AKAP6: variants seen among roughly 807,000 people sequenced by gnomAD.
AKAP6 encodes A-kinase anchor protein 6.
AKAP6 carries 58 observed loss-of-function variants against 188.5 expected under a neutral mutation model. That is an observed-to-expected ratio of 0.31 (90% CI 0.25 to 0.38). The LOEUF is 0.38. Ranked by LOEUF, AKAP6 falls within the 10% of genes least tolerant of loss-of-function variation. AKAP6 has a pLI of 1.00. For missense variants in AKAP6, 2,710 were observed against 2,740.0 expected (o/e 0.99, Z 0.24); for synonymous variants, 989 against 998.6 (o/e 0.99, Z 0.18).
chr14:32,397,895 G>A (rs377686238), intron 1 of AKAP6, among the ~76,000 whole-genome samples: 1 of 152,128 alleles, frequency 6.6e-6, no homozygotes, highest in South Asian at 2.1e-4. Flanking sequence ...TGAAGGCTTT[G>A]GCTTTTGCTC....
At chr14:32,538,594 A>G (rs1431353172) in intron 3 of AKAP6, among the ~76,000 whole-genome samples, 3 of 152,176 alleles carry the variant, frequency 2.0e-5, no homozygotes, top group Non-Finnish European at 1.5e-5. Context: ...AAATAAAACT[A>G]GTCAATAACT....
At chr14:32,366,912 A>C (rs1474023760) in intron 1 of AKAP6, among the ~76,000 whole-genome samples, 1 of 152,178 alleles carries the variant, frequency 6.6e-6, no homozygotes, top group Non-Finnish European at 1.5e-5. Context: ...GGGGGGAAAT[A>C]AGTTCCAGGT....
At chr14:32,729,054 A>G (rs2031035457) in intron 9 of AKAP6, among the ~76,000 whole-genome samples, 1 of 152,158 alleles carries the variant, frequency 6.6e-6, no homozygotes, top group South Asian at 2.1e-4. Context: ...GTGAGCATCT[A>G]CAACCCTTTC....
At chr14:32,582,326 A>G (rs1885013760) in intron 5 of AKAP6, among the ~76,000 whole-genome samples, 1 of 151,880 alleles carries the variant, frequency 6.6e-6, no homozygotes, top group Non-Finnish European at 1.5e-5. Context: ...ATTGGCCCCC[A>G]CTCTCTTCTG....
chr14:32,675,708 G>T (rs1488928970), intron 7 of AKAP6, among the ~76,000 whole-genome samples: 2 of 152,194 alleles, frequency 1.3e-5, no homozygotes, highest in African/African-American at 4.8e-5. Flanking sequence ...CCTTGTTAGT[G>T]CAGGGAAGTT....
At chr14:32,770,309 A>G (rs773174987) in intron 11 of AKAP6, among the ~76,000 whole-genome samples, 8 of 152,216 alleles carry the variant, frequency 5.3e-5, no homozygotes, top group African/African-American at 1.9e-4. Flanking sequence ...GAAATTGCCT[A>G]AAGATTATCA....
At chr14:32,705,231 T>C (rs955349670) in intron 9 of AKAP6, among the ~76,000 whole-genome samples, 4 of 152,148 alleles carry the variant, frequency 2.6e-5, no homozygotes, top group Non-Finnish European at 4.4e-5. Flanking sequence ...ATTCATTTCT[T>C]TGGGGTAAAG....
chr14:32,465,893 A>C (rs1478224762), intron 2 of AKAP6, among the ~76,000 whole-genome samples: 1 of 152,210 alleles, frequency 6.6e-6, no homozygotes, highest in African/African-American at 2.4e-5. Flanking sequence ...AGAAAAAAAC[A>C]ACCTCATCAA....
chr14:32,627,782 A>G (rs1887087461), intron 7 of AKAP6, among the ~76,000 whole-genome samples: 2 of 152,140 alleles, frequency 1.3e-5, no homozygotes, highest in South Asian at 4.1e-4. Flanking sequence ...TGCAAAGCCC[A>G]GTTAGAAAGA....
At chr14:32,517,383 G>C (rs1881579118) in intron 2 of AKAP6, among the ~76,000 whole-genome samples, 1 of 152,194 alleles carries the variant, frequency 6.6e-6, no homozygotes. Flanking sequence ...CAGAAGACGG[G>C]TGATTTCTGC....
At chr14:32,654,735 G>C (rs1289121625) in intron 7 of AKAP6, among the ~76,000 whole-genome samples, 1 of 151,616 alleles carries the variant, frequency 6.6e-6, no homozygotes, top group East Asian at 1.9e-4. Flanking sequence ...TGTGGTCCCA[G>C]CTACTCAGGA....
intron 11 of AKAP6, among the ~76,000 whole-genome samples, chr14:32,762,553 T>C (rs2032574676): frequency 6.6e-6 from 1 of 152,106 alleles, no homozygotes; most frequent in African/African-American, 2.4e-5. Flanking sequence ...TTTCGTGGGA[T>C]AACTCACTGA....
At chr14:32,535,002 A>C (rs544896556) in intron 2 of AKAP6, among the ~76,000 whole-genome samples, 16 of 151,806 alleles carry the variant, frequency 1.1e-4, no homozygotes, top group Non-Finnish European at 1.0e-4. Flanking sequence ...AAAAAAAAAA[A>C]AAACACTGAA....
chr14:32,526,696 T>C (rs1882148916), intron 2 of AKAP6, among the ~76,000 whole-genome samples: 2 of 152,184 alleles, frequency 1.3e-5, no homozygotes, highest in South Asian at 4.1e-4. Context: ...AGTTAATTCT[T>C]AATATGACAA....
intron 12 of AKAP6, among the ~76,000 whole-genome samples, chr14:32,797,491 C>T (rs1594955453): frequency 6.6e-6 from 1 of 152,112 alleles, no homozygotes; most frequent in African/African-American, 2.4e-5. Flanking sequence ...AAGCTGTTAT[C>T]CTCAGCAATG....
intron 2 of AKAP6, among the ~76,000 whole-genome samples, chr14:32,466,862 G>A (rs1045836779): frequency 4.3e-5 from 4 of 93,638 alleles, no homozygotes; most frequent in African/African-American, 1.6e-4. Context: ...TTCTTAGCAA[G>A]ACTAATTCAT....
chr14:32,726,271 GTCT>G (rs2030869651), intron 9 of AKAP6: 1 of 917,752 alleles, frequency 1.1e-6, no homozygotes, highest in South Asian at 5.0e-5. Context: ...TCTCTCCTCA[GTCT>G]TCTTTTACAG....
At position 32,599,436 on chromosome 14, in the gene AKAP6, T is replaced by C. The variant is rs1243964670; in HGVS notation, c.2496T>C (p.His832=). 1.2e-6 allele frequency: 2 copies of C among 1,613,236 alleles called. No homozygotes were observed. Among genetic ancestry groups the C allele is most frequent in the Non-Finnish European group, 1.7e-6 (2 of 1,179,478 alleles). ...HLSFKLNVDS[H]CALKEAVEEE... ...GTTTTAAGTTGAATGTAGACAGTCA[T>C]TGTGCTCTCAAGGAAGCTGTGGAGG... The change falls in exon 6 of 14, where the codon CAT becomes CAC. Residue 832 remains histidine (H), a synonymous_variant. Coordinates refer to ENST00000280979, the MANE Select transcript of AKAP6 (RefSeq NM_004274.5).
chr14:32,782,942 A>C (rs1411594243), intron 12 of AKAP6, among the ~76,000 whole-genome samples: 2 of 152,118 alleles, frequency 1.3e-5, no homozygotes, highest in African/African-American at 4.8e-5. Flanking sequence ...AGGACATAGA[A>C]TACCCAAAGC....
Sources: gnomAD v4.1 joint callset for allele counts (sites outside exome capture counted in the v4.1 genomes callset) on GRCh38, gnomAD v4.1.1 for gene constraint, MANE v1.5 for transcripts, NCBI Gene and HGNC (gene_info 2026-07-23, HGNC 2026-07-21) for gene names.